LCTL: variants seen among roughly 807,000 people sequenced by gnomAD.
LCTL encodes the protein lactase-like protein.
In LCTL, 76 loss-of-function variants were observed where a neutral mutation model predicts 75.8. The observed-to-expected ratio is 1.00, with a 90% confidence interval of 0.83 to 1.21. The LOEUF is 1.21. LCTL is among the 50% of genes most tolerant of loss of function. The pLI is 0.00. For missense variants in LCTL, 670 were observed against 712.4 expected (o/e 0.94, Z 0.68); for synonymous variants, 271 against 268.8 (o/e 1.01, Z -0.08).
exon 9 of LCTL, chr15:66,553,242 C>T (rs1341357124): frequency 6.4e-7 from 1 of 1,566,790 alleles, no homozygotes; most frequent in African/African-American, 1.4e-5. Context: ...CCAGGCCTTG[C>T]TCTGCACTCT....
intron 2 of LCTL, 38 bp downstream of exon 3, chr15:66,564,638 C>A: frequency 6.3e-7 from 1 of 1,579,360 alleles, no homozygotes; most frequent in Admixed American, 1.7e-5. Flanking sequence ...TGTGTGTGCA[C>A]GCGCGCGCAC....
At chr15:66,563,850 G>T in intron 3 of LCTL, 61 bp downstream of exon 4, 1 of 1,365,608 alleles carries the variant, frequency 7.3e-7, no homozygotes, top group Non-Finnish European at 1.0e-6. Context: ...TGGTGCCCCT[G>T]CAAAGCCAAC....
chr15:66,549,970 G>A, intron 12 of LCTL, 71 bp downstream of exon 13: 2 of 1,038,876 alleles, frequency 1.9e-6, no homozygotes, highest in South Asian at 3.8e-5. Flanking sequence ...CACATTTTGA[G>A]ATTTTGAAAA....
chr15:66,551,854 T>G, exon 11 of LCTL: 1 of 1,608,914 alleles, frequency 6.2e-7, no homozygotes, highest in Middle Eastern at 1.7e-4. Context: ...TAGCACCATC[T>G]TTTATAGCTG....
chr15:66,565,271 A>G, exon 1 of LCTL: 1 of 1,612,672 alleles, frequency 6.2e-7, no homozygotes, highest in Non-Finnish European at 8.5e-7. Flanking sequence ...TCCATAGTAG[A>G]AGGAGGCCTC....
chr15:66,563,564 G>A (rs1567062577), exon 4 of LCTL: 3 of 1,612,640 alleles, frequency 1.9e-6, no homozygotes, highest in Non-Finnish European at 2.5e-6. Flanking sequence ...TGATGTTGCT[G>A]CTCAGAAGGG....
At chr15:66,551,545 A>G in intron 11 of LCTL, 117 bp downstream of exon 12, 1 of 775,678 alleles carries the variant, frequency 1.3e-6, no homozygotes, top group East Asian at 2.4e-5. Flanking sequence ...GCCATGCCGC[A>G]TGCCCCGTCC....
intron 3 of LCTL, 140 bp from the exon 5 acceptor site, chr15:66,563,765 TTACC>T: frequency 1.2e-6 from 1 of 839,754 alleles, no homozygotes; most frequent in Non-Finnish European, 1.9e-6. Flanking sequence ...GGGAGCCCAG[TTACC>T]TGCAGAACCT....
chr15:66,559,350 G>A (rs181462218), intron 6 of LCTL, among the ~76,000 whole-genome samples: 24 of 152,262 alleles, frequency 1.6e-4, no homozygotes, highest in Non-Finnish European at 4.4e-5. Flanking sequence ...TTGCCAACCA[G>A]CAATAACCAA....
rs1008752941 is a variant in LCTL at position 66,557,250 on chromosome 15, G to T, written c.922+472C>A. ...TTTAGGTAGAATTTTCTGTTACGTG[G>T]CAGTTAAAAACATCCAAATTGATAT... On this transcript the variant is annotated intron_variant, in intron 8 of 12. Transcript: ENST00000341509. Among the ~76,000 whole-genome samples the T allele has an allele frequency of 8.5e-5, 13 of 152,250 alleles. 1 individual carries two copies. In the East Asian group the frequency reaches 2.5e-3, roughly 29 times the overall value.
At chr15:66,560,298 G>C (rs751851454) in intron 6 of LCTL, among the ~76,000 whole-genome samples, 2 of 152,054 alleles carry the variant, frequency 1.3e-5, no homozygotes, top group African/African-American at 2.4e-5. Flanking sequence ...TCGTATCCCT[G>C]TTCTCCAGTT....
At chr15:66,560,065 T>TTG (rs1163540982) in intron 6 of LCTL, among the ~76,000 whole-genome samples, 1 of 151,796 alleles carries the variant, frequency 6.6e-6, no homozygotes, top group Non-Finnish European at 1.5e-5. Flanking sequence ...GCATCCTGGG[T>TTG]GACAGAGCAA....
chr15:66,551,537 C>T, intron 11 of LCTL, 125 bp downstream of exon 12: 1 of 721,402 alleles, frequency 1.4e-6, no homozygotes, highest in Admixed American at 2.4e-5. Context: ...AATAAAGGGC[C>T]ATGCCGCATG....
intron 2 of LCTL, 53 bp from the exon 4 acceptor site, chr15:66,564,051 T>C (rs1595712155): frequency 8.3e-7 from 1 of 1,210,682 alleles, no homozygotes; most frequent in African/African-American, 1.5e-5. Flanking sequence ...GTATGGGAGG[T>C]AGGGGTCCAT....
intron 6 of LCTL, among the ~76,000 whole-genome samples, chr15:66,558,693 T>G (rs1258283866): frequency 2.7e-5 from 4 of 148,072 alleles, no homozygotes; most frequent in Non-Finnish European, 3.0e-5. Flanking sequence ...GTGTGTTTTT[T>G]TTTTTTTTTT....
intron 2 of LCTL, chr15:66,564,325 G>A (rs546556336): frequency 1.3e-4 from 60 of 479,726 alleles, no homozygotes; most frequent in Admixed American, 2.2e-4. Context: ...TCCCTCCACA[G>A]GGTGCAACTG....
chr15:66,559,904 T>C (rs535515069), intron 6 of LCTL, among the ~76,000 whole-genome samples: 2 of 152,092 alleles, frequency 1.3e-5, no homozygotes, highest in South Asian at 2.1e-4. Flanking sequence ...CTGGCCAACA[T>C]GGTGAAACCC....
At chr15:66,548,436 G>GTTT in exon 13 of LCTL, 1 of 926,172 alleles carries the variant, frequency 1.1e-6, no homozygotes, top group South Asian at 1.6e-5. Flanking sequence ...AAGCAGAAAA[G>GTTT]GGAGGAAGAT....
Position 66,550,039 on chromosome 15 carries a change from A to G in LCTL, c.1588+2T>C, listed in dbSNP as rs759102305. ...GGAAAACATTGAAATATACTGACTC[A>G]CCTGCAGCAAGCATCTGATTGTTGA... On this transcript the variant is annotated splice_donor_variant, in intron 12 of 12. Transcript: ENST00000341509. LOFTEE classifies it high-confidence loss of function. The G allele has an allele frequency of 3.8e-6, 6 of 1,594,340 alleles. No homozygotes were observed. Among genetic ancestry groups the G allele is most frequent in the Non-Finnish European group, 5.1e-6 (6 of 1,169,692 alleles).
Sources: allele counts gnomAD v4.1 joint callset (sites outside exome capture counted in the v4.1 genomes callset), GRCh38; gene constraint gnomAD v4.1.1; transcripts MANE v1.5; gene names NCBI Gene and HGNC (gene_info 2026-07-23, HGNC 2026-07-21).